Variants in SVEP1 observed in about 807,000 individuals in gnomAD.
The protein encoded by SVEP1 is sushi, von Willebrand factor type A, EGF and pentraxin domain containing 1.
SVEP1 carries 164 observed loss-of-function variants against 367.3 expected under a neutral mutation model. That is an observed-to-expected ratio of 0.45 (90% CI 0.39 to 0.51). SVEP1 has a LOEUF of 0.51. Among genes scored for constraint, SVEP1 ranks in the 20% least tolerant of loss-of-function variants. The probability of loss-of-function intolerance (pLI) is 0.00; values close to 1 mark genes in which losing one functional copy is unlikely to be tolerated. For missense variants in SVEP1, 4,117 were observed against 4,425.3 expected (o/e 0.93, Z 1.98); for synonymous variants, 1,666 against 1,611.6 (o/e 1.03, Z -0.81).
At chr9:110,448,102 G>A (rs989456220) in intron 24 of SVEP1, among the ~76,000 whole-genome samples, 3 of 152,182 alleles carry the variant, frequency 2.0e-5, no homozygotes, top group Non-Finnish European at 4.4e-5. Flanking sequence ...CTGCAGGACG[G>A]TGATTACTGC....
intron 39 of SVEP1, among the ~76,000 whole-genome samples, chr9:110,403,195 C>T (rs1169309488): frequency 6.7e-6 from 1 of 150,218 alleles, no homozygotes; most frequent in Non-Finnish European, 1.5e-5. Context: ...CTATCAGTGA[C>T]ACATTTTTTC....
rs190760880 is a variant in SVEP1, at chr9:110,524,108, T to G, written c.965-10002A>C. Reference sequence around the variant, plus strand: ...TAAACTATGATAATTCATACAGTATTAAAAATAATTTGAATAGCCCTATGG... The same window carrying G: ...TAAACTATGATAATTCATACAGTATGAAAAATAATTTGAATAGCCCTATGG... On this transcript the variant is annotated intron_variant, in intron 3 of 47. Coordinates refer to ENST00000374469, the MANE Select transcript of SVEP1 (RefSeq NM_153366.4). 6.9e-3 allele frequency among the ~76,000 whole-genome samples: 1,052 copies of G among 152,212 alleles called. 18 individuals are homozygous for G. Among genetic ancestry groups the G allele is most frequent in the African/African-American group, 0.023 (949 of 41,556 alleles).
rs534168683 is a variant in SVEP1 at position 110,375,500 on chromosome 9, G to A, written c.10505-37C>T. On this transcript the variant is annotated intron_variant, in intron 45 of 47. Coordinates refer to ENST00000374469, the MANE Select transcript of SVEP1 (RefSeq NM_153366.4). ...AAAAAAAAAAAAAAAAGGAGGCAGG[G>A]GGGATTGAAATGGCGTTGATCAAAG... The A allele has an allele frequency of 1.5e-5, 22 of 1,491,032 alleles. No individual in the cohort carries two copies. The Admixed American group carries it at 4.2e-4, about 28-fold the overall frequency. The allele number at this position is 1,491,032 out of a possible 1,614,324, so 92.4% of individuals were successfully genotyped here. A position where few individuals can be genotyped will look rare whatever the true frequency, so the allele number is the denominator to read the frequency against.
intron 32 of SVEP1, among the ~76,000 whole-genome samples, 178 bp from the exon 33 acceptor site, chr9:110,430,628 T>G (rs1828336625): frequency 6.6e-6 from 1 of 152,208 alleles, no homozygotes; most frequent in African/African-American, 2.4e-5. Context: ...AACATACATT[T>G]AATAAGCATT....
At chr9:110,500,754 A>T (rs1829518273) in intron 6 of SVEP1, among the ~76,000 whole-genome samples, 1 of 152,128 alleles carries the variant, frequency 6.6e-6, no homozygotes, top group Admixed American at 6.6e-5. Context: ...ATACTTCCTT[A>T]ATTGTAATCT....
intron 6 of SVEP1, among the ~76,000 whole-genome samples, chr9:110,501,911 C>G (rs1829538042): frequency 6.6e-6 from 1 of 151,906 alleles, no homozygotes; most frequent in Admixed American, 6.6e-5. Flanking sequence ...AGATTATTTT[C>G]TTTTTTCAGT....
chr9:110,502,103 A>ATT lies in SVEP1; in HGVS notation c.1483+933_1483+934dup, dbSNP rs35353042. Among the ~76,000 whole-genome samples, 590 of 135,774 alleles carry ATT rather than the reference A, an allele frequency of 4.3e-3. 4 individuals carry two copies. The highest frequency in any genetic ancestry group is 0.011 in the African/African-American group (401 of 36,712). The allele number at this position is 135,774 out of a possible 152,430, so 89.1% of individuals were successfully genotyped here. ...CTATATGGTATGGAAAGTTCTTAGA[A>ATT]TTTTTTTTTTTTTTTTTTGGACAGA... On this transcript the variant is annotated intron_variant, in intron 6 of 47. Transcript: ENST00000374469.
intron 13 of SVEP1, among the ~76,000 whole-genome samples, chr9:110,476,613 T>C (rs1335267147): frequency 1.3e-5 from 2 of 152,130 alleles, no homozygotes; most frequent in Non-Finnish European, 2.9e-5. Flanking sequence ...TTTGGAACCC[T>C]TTCTCTGACC....
chr9:110,565,337 C>T (rs533417956), intron 1 of SVEP1, among the ~76,000 whole-genome samples: 1 of 152,232 alleles, frequency 6.6e-6, no homozygotes, highest in African/African-American at 2.4e-5. Flanking sequence ...CTTAAGGTCA[C>T]TTAGGACTAA....
In SVEP1 at chr9:110,401,156, A is replaced by G. The variant is rs1827854971; in HGVS notation, c.9667-147T>C. The G allele has an allele frequency of 1.1e-5, 10 of 887,052 alleles. No individual in the cohort carries two copies. The East Asian group carries it at 1.9e-4, about 16-fold the overall frequency. 54.9% of individuals were successfully genotyped at this position (887,052 alleles called of 1,614,324 possible). ...TTTGGTCCTACTTTTGCTACTTATT[A>G]TATGTGGGCTTAAAAAACACACTTT... On this transcript the variant is annotated intron_variant, in intron 39 of 47. Transcript: ENST00000374469.
At chr9:110,395,471 C>T (rs1330967038) in intron 40 of SVEP1, among the ~76,000 whole-genome samples, 2 of 152,200 alleles carry the variant, frequency 1.3e-5, no homozygotes, top group Admixed American at 1.3e-4. Context: ...CAGCTGACAT[C>T]ATAATGACAG....
rs1304993508 is a variant in SVEP1, at chr9:110,387,156, G to C, written c.10060+129C>G. ...TAAAATATCCCAGAGAATTCAGCTT[G>C]GATAGGCATTAATTGCTTTCTCTGG... is the stretch of plus-strand genomic sequence containing the variant. On this transcript the variant is annotated intron_variant, in intron 42 of 47. Transcript: ENST00000374469. 4.7e-6 allele frequency: 4 copies of C among 842,230 alleles called. No individual in the cohort carries two copies. In the African/African-American group the frequency reaches 5.2e-5, roughly 11 times the overall value. 52.2% of individuals were successfully genotyped at this position (842,230 alleles called of 1,614,324 possible). A position where few individuals can be genotyped will look rare whatever the true frequency, so the allele number is the denominator to read the frequency against.
In SVEP1 at chr9:110,408,380, G is replaced by C. The variant is rs1338938653; in HGVS notation, c.7220C>G (p.Ser2407Cys). 6.2e-7 allele frequency: 1 copy of C among 1,613,798 alleles called. No homozygotes were observed. The highest frequency in any genetic ancestry group is 1.3e-5 in the African/African-American group (1 of 74,926). Residue 2407 changes from serine to cysteine, a missense_variant, in exon 38 of 48, where the codon TCT (serine) becomes TGT (cysteine). Around this residue, in one of 4 missense-constraint regions of SVEP1, gnomAD observed 1,765 missense variants for 1,781.1 expected, o/e 0.99. Transcript: ENST00000374469. Reference sequence around the variant, plus strand: ...TCTTAGGAAAAACCCACCTACACAAGAATACTTGACAGTACTTCCAAAATG... The same window carrying C: ...TCTTAGGAAAAACCCACCTACACAACAATACTTGACAGTACTTCCAAAATG... ...ALHFGSTVKY[S>C]CVGGFFLRGN... is the part of the protein sequence containing the mutation.
chr9:110,549,720 A>T, intron 2 of SVEP1, 129 bp downstream of exon 2: 5 of 1,169,096 alleles, frequency 4.3e-6, no homozygotes, highest in East Asian at 2.6e-5. Flanking sequence ...TGCCCAAAGG[A>T]CACATGGGCA....
chr9:110,406,751 C>G lies in SVEP1; in HGVS notation c.8849G>C (p.Gly2950Ala). The G allele has an allele frequency of 6.2e-7, 1 of 1,614,002 alleles. No homozygotes were observed. Among genetic ancestry groups the G allele is most frequent in the Non-Finnish European group, 8.5e-7 (1 of 1,179,896 alleles). ...ACCATGGGCAAGATCTTCAGGAGGT[C>G]CACAGTTGACTGGTTTACAGAGAGG... ...EIPLCKPVNCGPPEDLAHGFP... is the reference protein window; with the variant it reads ...EIPLCKPVNCAPPEDLAHGFP... Residue 2950 changes from glycine (G) to alanine (A), a missense_variant, in exon 38 of 48, where the codon GGA becomes GCA. By Grantham distance (60) the Gly-to-Ala change is moderately conservative. This residue lies in a region of SVEP1 where 1,765 missense variants were observed against 1,781.1 expected (regional missense o/e 0.99). Coordinates refer to ENST00000374469, the MANE Select transcript of SVEP1 (RefSeq NM_153366.4).
chr9:110,403,315 T>TTTTC (rs1827897010), intron 39 of SVEP1, among the ~76,000 whole-genome samples: 1 of 137,354 alleles, frequency 7.3e-6, no homozygotes, highest in Admixed American at 7.4e-5. Flanking sequence ...TTTTTTTTTT[T>TTTTC]TTTTTTTTGA....
chr9:110,513,822 A>C (rs2118777955), intron 4 of SVEP1, 126 bp downstream of exon 4: 3 of 1,181,778 alleles, frequency 2.5e-6, no homozygotes, highest in Non-Finnish European at 3.5e-6. Context: ...CCACTCCCCC[A>C]AAAAATATGA....
At position 110,533,594 on chromosome 9, in the gene SVEP1, C is replaced by CTGTG. The variant is rs61074591; in HGVS notation, c.964+12517_964+12520dup. Among the ~76,000 whole-genome samples, 106 of 146,152 alleles carry CTGTG rather than the reference C, an allele frequency of 7.3e-4. 2 individuals are homozygous for CTGTG. The South Asian group carries it at 0.017, about 23-fold the overall frequency. On this transcript the variant is annotated intron_variant, in intron 3 of 47. Transcript: ENST00000374469. ...ACCCGGGGTTACTATCTCTGTGTGT[C>CTGTG]TGTGTGTGTGTGTGCACGCACACGT...
chr9:110,572,719 AGGTGTGACGCCGAGAT>A (rs1446055455), intron 1 of SVEP1, among the ~76,000 whole-genome samples: 1 of 141,118 alleles, frequency 7.1e-6, no homozygotes, highest in African/African-American at 2.7e-5. Flanking sequence ...AAATTTAGTC[AGGTGTGACGCCGAGAT>A]GGCGTCACTG....
Sources: allele counts gnomAD v4.1 joint callset (sites outside exome capture counted in the v4.1 genomes callset), GRCh38; gene constraint gnomAD v4.1.1; regional missense constraint gnomAD v4.1.1; transcripts MANE v1.5; gene names NCBI Gene and HGNC (gene_info 2026-07-23, HGNC 2026-07-21).